Variants in EML4 observed in about 807,000 individuals in gnomAD.
EML4 encodes the protein EMAP like 4, also known as echinoderm microtubule-associated protein-like 4.
A neutral mutation model predicts 129.0 loss-of-function variants in EML4; 72 were observed. That is an observed-to-expected ratio of 0.56 (90% CI 0.46 to 0.68). The LOEUF (loss-of-function observed/expected upper bound fraction) is 0.68. Ranked by LOEUF, EML4 falls within the 30% of genes least tolerant of loss-of-function variation. EML4 has a pLI of 0.00. For synonymous variants in EML4, 532 were observed against 405.0 expected, an observed-to-expected ratio of 1.31 and a Z score of -3.77; for missense variants, 1,363 against 1,190.6, an observed-to-expected ratio of 1.14 and a Z score of -2.13.
At chr2:42,186,192 A>G (rs1461465964) in intron 1 of EML4, among the ~76,000 whole-genome samples, 3 of 152,206 alleles carry the variant, frequency 2.0e-5, no homozygotes, top group African/African-American at 7.2e-5. Flanking sequence ...CAAATAGCTT[A>G]TAATTGCCAC....
intron 1 of EML4, among the ~76,000 whole-genome samples, chr2:42,182,191 G>A (rs1246698024): frequency 6.9e-6 from 1 of 145,916 alleles, no homozygotes; most frequent in Non-Finnish European, 1.5e-5. Context: ...AAGTTTTAGG[G>A]TACATGTGCA....
intron 22 of EML4, 94 bp from the exon 23 acceptor site, chr2:42,329,640 T>G: frequency 2.0e-6 from 2 of 996,992 alleles, no homozygotes; most frequent in Non-Finnish European, 1.5e-6. Flanking sequence ...TTTCACAAGC[T>G]GAGTTTACCC....
intron 17 of EML4, among the ~76,000 whole-genome samples, chr2:42,311,306 C>T (rs745758416): frequency 6.6e-6 from 1 of 152,200 alleles, no homozygotes; most frequent in South Asian, 2.1e-4. Flanking sequence ...AGTGCTCACA[C>T]CTGTAATCCC....
intron 6 of EML4, among the ~76,000 whole-genome samples, chr2:42,277,103 A>G (rs1041315323): frequency 6.6e-6 from 1 of 152,040 alleles, no homozygotes. Flanking sequence ...TGCTATACCT[A>G]CACTCCTTTC....
intron 17 of EML4, among the ~76,000 whole-genome samples, chr2:42,304,813 G>C (rs183779749): frequency 6.6e-6 from 1 of 152,250 alleles, no homozygotes; most frequent in East Asian, 1.9e-4. Context: ...CTACATTTTA[G>C]CGTGTATGGG....
intron 1 of EML4, among the ~76,000 whole-genome samples, chr2:42,215,873 A>C (rs17029341): frequency 0.01 from 1,566 of 152,130 alleles, 30 homozygotes; most frequent in African/African-American, 0.036. Context: ...CTTACTCCTG[A>C]TAGTGTCACT....
In EML4 at chr2:42,169,604, C is replaced by T. The variant is rs1407007137; in HGVS notation, c.-8C>T. ...TCTAAGCCCGGAGCCCGGCGCTTTC[C>T]CCGCAAGATGGACGGTTTCGCCGGC... is the stretch of plus-strand genomic sequence containing the variant. On this transcript the variant is annotated 5_prime_UTR_variant, in exon 1 of 23. Coordinates refer to ENST00000318522, the MANE Select transcript of EML4 (RefSeq NM_019063.5). 6.3e-7 allele frequency: 1 copy of T among 1,599,272 alleles called. No homozygotes were observed. The highest frequency in any genetic ancestry group is 1.7e-5 in the Admixed American group (1 of 58,818).
Position 42,329,941 on chromosome 2 carries a change from C to T in EML4, c.2680C>T (p.Gln894Ter). Residue 894 changes from glutamine to a stop codon, truncating the protein, a stop_gained, in exon 23 of 23, where the codon CAA (glutamine) becomes TAA (stop). Transcript: ENST00000318522. LOFTEE classifies it high-confidence loss of function. ...APVSSTESVI[Q>*]SNTPTPPPSQ... ...CGTCTCTTCCACTGAAAGTGTCATC[C>T]AATCTAATACTCCCACACCGCCTCC... 6.2e-7 allele frequency: 1 copy of T among 1,613,958 alleles called. No homozygotes were observed.
chr2:42,219,074 C>T (rs1165015108), intron 1 of EML4, among the ~76,000 whole-genome samples: 2 of 152,188 alleles, frequency 1.3e-5, no homozygotes, highest in Non-Finnish European at 2.9e-5. Context: ...ACATCATTTA[C>T]ACACCAATGA....
intron 1 of EML4, among the ~76,000 whole-genome samples, chr2:42,215,844 G>C (rs1673152534): frequency 6.6e-6 from 1 of 152,026 alleles, no homozygotes; most frequent in Non-Finnish European, 1.5e-5. Flanking sequence ...GCCAAACTTT[G>C]GTTTAGTTTT....
intron 1 of EML4, among the ~76,000 whole-genome samples, chr2:42,238,917 G>C (rs1322283964): frequency 6.6e-6 from 1 of 152,058 alleles, no homozygotes; most frequent in East Asian, 1.9e-4. Context: ...GGGACTATAG[G>C]TGTGTGCTGC....
intron 1 of EML4, among the ~76,000 whole-genome samples, chr2:42,188,182 C>G (rs967600011): frequency 6.6e-6 from 1 of 152,116 alleles, no homozygotes; most frequent in African/African-American, 2.4e-5. Flanking sequence ...TCTGTTATGT[C>G]AGTCTCTGTT....
rs1572723726 is a variant in EML4, at chr2:42,304,015, T to C, written c.1900-469T>C. Among the ~76,000 whole-genome samples, 3 of 152,202 alleles carry C rather than the reference T, an allele frequency of 2.0e-5. No individual in the cohort carries two copies. In the South Asian group the frequency reaches 6.2e-4, roughly 32 times the overall value. ...AGTAAAATCATAAAGATTTCAAATA[T>C]CTACATAGCATTAATTATTATGGAA... On this transcript the variant is annotated intron_variant, in intron 16 of 22. Transcript: ENST00000318522.
chr2:42,240,317 A>G (rs1674943904), intron 1 of EML4, among the ~76,000 whole-genome samples: 1 of 152,164 alleles, frequency 6.6e-6, no homozygotes, highest in Non-Finnish European at 1.5e-5. Context: ...AAAAGCAAAA[A>G]TTTATTTTTA....
At chr2:42,270,381 A>C (rs1310565051) in intron 6 of EML4, among the ~76,000 whole-genome samples, 1 of 152,194 alleles carries the variant, frequency 6.6e-6, no homozygotes, top group African/African-American at 2.4e-5. Context: ...CAACATGGCA[A>C]AACCCCATCT....
Position 42,330,195 on chromosome 2 carries a change from G to GC in EML4, c.2937dup (p.Ser980LeufsTer25), listed in dbSNP as rs1670032263. On this transcript the variant is annotated frameshift_variant, in exon 23 of 23. Transcript: ENST00000318522. LOFTEE classifies it high-confidence loss of function. ...TTCTGGAGGACCAGCAAGACCCTTC[G>GC]CCCTCGTCCTAACACCCTGGCTTCA... 1 of 1,612,426 alleles carries GC rather than the reference G, an allele frequency of 6.2e-7. No individual in the cohort carries two copies. The highest frequency in any genetic ancestry group is 1.3e-5 in the African/African-American group (1 of 74,364).
At chr2:42,302,340 G>A (rs1444481278) in intron 14 of EML4, among the ~76,000 whole-genome samples, 1 of 151,984 alleles carries the variant, frequency 6.6e-6, no homozygotes, top group Admixed American at 6.6e-5. Context: ...TCATTTTTTT[G>A]TGGTGAGAAT....
At chr2:42,279,806 A>T (rs1236894604) in intron 6 of EML4, among the ~76,000 whole-genome samples, 1 of 151,306 alleles carries the variant, frequency 6.6e-6, no homozygotes, top group Non-Finnish European at 1.5e-5. Flanking sequence ...ATTATTATTA[A>T]TAGCCATCCG....
intron 1 of EML4, among the ~76,000 whole-genome samples, chr2:42,174,329 C>T (rs1670447306): frequency 6.6e-6 from 1 of 152,044 alleles, no homozygotes; most frequent in Non-Finnish European, 1.5e-5. Flanking sequence ...CTTGCTCTGT[C>T]TCCCAGGCTG....
Sources: allele counts gnomAD v4.1 joint callset (sites outside exome capture counted in the v4.1 genomes callset), GRCh38; gene constraint gnomAD v4.1.1; transcripts MANE v1.5; gene names NCBI Gene and HGNC (gene_info 2026-07-23, HGNC 2026-07-21).